CTNNA3: variants seen among roughly 807,000 people sequenced by gnomAD.
CTNNA3 encodes catenin alpha-3.
CTNNA3 carries 76 observed loss-of-function variants against 95.7 expected under a neutral mutation model. The ratio of observed to expected loss-of-function variants is 0.79; its 90% CI spans 0.66 to 0.96. The LOEUF (loss-of-function observed/expected upper bound fraction) is 0.96, where lower values mean the gene tolerates loss of function less well. Ranked by LOEUF, CTNNA3 falls within the 40% of genes least tolerant of loss-of-function variation. The pLI, the probability that CTNNA3 is intolerant of heterozygous loss-of-function variation, is 0.00. For synonymous variants in CTNNA3, 431 were observed against 374.4 expected (o/e 1.15, Z -1.74); for missense variants, 1,191 against 1,089.8 (o/e 1.09, Z -1.31).
chr10:67,460,060 T>C (rs1847318009), intron 5 of CTNNA3, among the ~76,000 whole-genome samples: 1 of 152,182 alleles, frequency 6.6e-6, no homozygotes, highest in African/African-American at 2.4e-5. Context: ...TTAAAGCATG[T>C]GAGTGCTCTA....
chr10:66,388,506 A>G (rs945014155), intron 11 of CTNNA3, among the ~76,000 whole-genome samples: 44 of 152,196 alleles, frequency 2.9e-4, no homozygotes, highest in African/African-American at 1.0e-3. Context: ...ATATAGCAAG[A>G]ATTTTTCTGG....
At chr10:66,541,169 G>A (rs1841838661) in intron 10 of CTNNA3, among the ~76,000 whole-genome samples, 1 of 152,156 alleles carries the variant, frequency 6.6e-6, no homozygotes, top group Admixed American at 6.6e-5. Context: ...GTTATCCCCT[G>A]TTCAAATCTC....
chr10:66,164,290 T>C (rs1029394281), intron 13 of CTNNA3, among the ~76,000 whole-genome samples: 1 of 152,204 alleles, frequency 6.6e-6, no homozygotes, highest in East Asian at 1.9e-4. Flanking sequence ...TGAGAACTAT[T>C]ATTTTCTAAT....
intron 11 of CTNNA3, among the ~76,000 whole-genome samples, chr10:66,509,758 T>C (rs1237465374): frequency 2.3e-4 from 35 of 151,998 alleles, no homozygotes; most frequent in Non-Finnish European, 1.5e-5. Flanking sequence ...CATGTTGTTT[T>C]TGTTTTTGTT....
chr10:66,791,406 A>T (rs1840962471), intron 7 of CTNNA3, among the ~76,000 whole-genome samples: 1 of 152,144 alleles, frequency 6.6e-6, no homozygotes, highest in Non-Finnish European at 1.5e-5. Context: ...GGCTCTGGTC[A>T]TACTGATCCC....
chr10:67,416,802 A>T (rs1845562319), intron 5 of CTNNA3, among the ~76,000 whole-genome samples: 1 of 152,072 alleles, frequency 6.6e-6, no homozygotes, highest in East Asian at 1.9e-4. Context: ...AAAACAACAG[A>T]TGCAGAGGCT....
chr10:66,520,245 CTTTTTTTTTTTTTTT>C lies in CTNNA3; in HGVS notation c.1531+357_1531+371del, dbSNP rs543882241. On this transcript the variant is annotated intron_variant, in intron 11 of 17. Transcript: ENST00000433211. ...AAAATTAATCTTATTTAGTATTATT[CTTTTTTTTTTTTTTT>C]TTTTTTTTTGAGATAGAGTCTAGCT... 1.1e-3 allele frequency among the ~76,000 whole-genome samples: 83 copies of C among 78,078 alleles called. 1 individual carries two copies. Among genetic ancestry groups the C allele is most frequent in the African/African-American group, 4.5e-3 (83 of 18,616 alleles). The allele number at this position is 78,078 out of a possible 152,430, so 51.2% of individuals were successfully genotyped here.
intron 5 of CTNNA3, among the ~76,000 whole-genome samples, chr10:67,272,717 T>C (rs1839034271): frequency 6.6e-6 from 1 of 152,178 alleles, no homozygotes; most frequent in Non-Finnish European, 1.5e-5. Context: ...TAATTTGCAA[T>C]GCACTAAAGC....
chr10:66,427,760 T>C (rs11814588), intron 11 of CTNNA3, among the ~76,000 whole-genome samples: 58,029 of 151,718 alleles, frequency 0.38, 11,640 homozygotes, highest in African/African-American at 0.5. Flanking sequence ...AAGTACTAAA[T>C]ATGGAAAGGA....
intron 7 of CTNNA3, among the ~76,000 whole-genome samples, chr10:67,033,436 A>G (rs1265486205): frequency 6.6e-6 from 1 of 152,188 alleles, no homozygotes; most frequent in African/African-American, 2.4e-5. Context: ...TCAGATTATT[A>G]TCTATGTATC....
intron 7 of CTNNA3, among the ~76,000 whole-genome samples, chr10:66,974,174 G>A (rs7903324): frequency 1.3e-5 from 2 of 152,060 alleles, no homozygotes; most frequent in Non-Finnish European, 2.9e-5. Flanking sequence ...AGCTTGATAC[G>A]AATGAAATCA....
At chr10:66,155,461 T>C (rs1273030866) in intron 13 of CTNNA3, among the ~76,000 whole-genome samples, 1 of 151,880 alleles carries the variant, frequency 6.6e-6, no homozygotes, top group Admixed American at 6.6e-5. Context: ...ATAAAAGTTA[T>C]ATCTTAATCA....
intron 9 of CTNNA3, among the ~76,000 whole-genome samples, chr10:66,653,760 G>C (rs1845986348): frequency 6.6e-6 from 1 of 151,960 alleles, no homozygotes; most frequent in Non-Finnish European, 1.5e-5. Context: ...CGTACACAAA[G>C]ACCAATGGAA....
chr10:67,557,186 G>A (rs1336460845), intron 3 of CTNNA3, among the ~76,000 whole-genome samples: 1 of 151,954 alleles, frequency 6.6e-6, no homozygotes, highest in African/African-American at 2.4e-5. Context: ...TAAAAGTTTT[G>A]GTATATCTAA....
chr10:66,696,528 G>C (rs1847770484), intron 9 of CTNNA3, among the ~76,000 whole-genome samples: 1 of 152,090 alleles, frequency 6.6e-6, no homozygotes, highest in Non-Finnish European at 1.5e-5. Context: ...TCCCTGCTAT[G>C]ATCCCATCAC....
At chr10:66,519,259 C>T (rs1269683283) in intron 11 of CTNNA3, among the ~76,000 whole-genome samples, 1 of 151,950 alleles carries the variant, frequency 6.6e-6, no homozygotes, top group Non-Finnish European at 1.5e-5. Context: ...TGAGTATCTT[C>T]ACAATCCTGT....
At chr10:66,730,421 T>C (rs1426402283) in intron 9 of CTNNA3, among the ~76,000 whole-genome samples, 1 of 152,106 alleles carries the variant, frequency 6.6e-6, no homozygotes, top group Non-Finnish European at 1.5e-5. Context: ...GGACACATTG[T>C]TGGAGGGAAC....
chr10:66,142,694 G>A (rs1480058533), intron 13 of CTNNA3, among the ~76,000 whole-genome samples: 3 of 151,928 alleles, frequency 2.0e-5, no homozygotes, highest in Non-Finnish European at 4.4e-5. Context: ...ATAAATCACA[G>A]GTTAAAACTG....
intron 9 of CTNNA3, among the ~76,000 whole-genome samples, chr10:66,691,650 C>T (rs963180451): frequency 2.0e-5 from 3 of 152,328 alleles, no homozygotes; most frequent in Non-Finnish European, 2.9e-5. Context: ...AATGGGCAGA[C>T]TGCCTCCTCA....
Sources: allele counts gnomAD v4.1 joint callset (sites outside exome capture counted in the v4.1 genomes callset), GRCh38; gene constraint gnomAD v4.1.1; transcripts MANE v1.5; gene names NCBI Gene and HGNC (gene_info 2026-07-23, HGNC 2026-07-21).